The following NSMCE2 variants were observed in gnomAD, a reference collection of about 807,000 sequenced individuals.
NSMCE2 encodes the protein E3 SUMO-protein ligase NSE2.
Under a neutral mutation model 23.8 loss-of-function variants are expected in NSMCE2, and 24 were observed. The ratio of observed to expected loss-of-function variants is 1.01; its 90% CI spans 0.73 to 1.42. The LOEUF (loss-of-function observed/expected upper bound fraction) is 1.42. Among genes scored for constraint, NSMCE2 ranks in the 40% most tolerant of loss-of-function variants. The pLI is 0.00. For synonymous variants in NSMCE2, 92 were observed against 94.1 expected (o/e 0.98, Z 0.13); for missense variants, 284 against 296.5 (o/e 0.96, Z 0.31).
intron 3 of NSMCE2, among the ~76,000 whole-genome samples, chr8:125,143,079 AC>A (rs1237729875): frequency 6.7e-6 from 1 of 150,350 alleles, no homozygotes; most frequent in East Asian, 1.9e-4. Context: ...CTCCCAGGAC[AC>A]CCCCAGTGTG....
At position 125,106,047 on chromosome 8, in the gene NSMCE2, TACAC is replaced by T. The variant is rs138450338; in HGVS notation, c.157+3582_157+3585del. Among the ~76,000 whole-genome samples the T allele has an allele frequency of 5.3e-3, 785 of 148,334 alleles. 2 individuals carry two copies. Among genetic ancestry groups the T allele is most frequent in the South Asian group, 0.014 (63 of 4,660 alleles). ...ATGAATACATGCGTGTGTGTGTGCA[TACAC>T]ACACACACACACACACACACATTTT... On this transcript the variant is annotated intron_variant, in intron 3 of 7. Transcript: ENST00000287437.
chr8:125,343,056 C>CT (rs1353691538), intron 5 of NSMCE2, among the ~76,000 whole-genome samples: 1 of 152,160 alleles, frequency 6.6e-6, no homozygotes, highest in African/African-American at 2.4e-5. Context: ...TTGATACTCT[C>CT]TATCAAATGC....
intron 5 of NSMCE2, among the ~76,000 whole-genome samples, chr8:125,237,611 G>T (rs75123658): frequency 1.3e-5 from 2 of 152,312 alleles, no homozygotes; most frequent in African/African-American, 4.8e-5. Flanking sequence ...GAGTAATTCA[G>T]TTATGCCCTA....
chr8:125,112,872 TAA>T (rs1178961028), intron 3 of NSMCE2, among the ~76,000 whole-genome samples: 2 of 152,172 alleles, frequency 1.3e-5, no homozygotes, highest in Non-Finnish European at 2.9e-5. Context: ...TGAAAATTGC[TAA>T]GAGAGTAGAT....
chr8:125,275,017 A>G (rs1827391780), intron 5 of NSMCE2, among the ~76,000 whole-genome samples: 1 of 146,396 alleles, frequency 6.8e-6, no homozygotes, highest in East Asian at 2.0e-4. Context: ...TAATAATAAT[A>G]ATAATAATAA....
chr8:125,358,906 T>C (rs1458981450), intron 7 of NSMCE2, among the ~76,000 whole-genome samples: 1 of 152,200 alleles, frequency 6.6e-6, no homozygotes, highest in Non-Finnish European at 1.5e-5. Flanking sequence ...TGCTGCCTAA[T>C]GGTTGCAAAA....
intron 3 of NSMCE2, among the ~76,000 whole-genome samples, chr8:125,106,118 A>C (rs1466790010): frequency 6.6e-6 from 1 of 152,108 alleles, no homozygotes; most frequent in Non-Finnish European, 1.5e-5. Context: ...GTCAACATAA[A>C]CTAACCAAGT....
At chr8:125,276,326 T>C (rs1386581828) in intron 5 of NSMCE2, among the ~76,000 whole-genome samples, 4 of 152,228 alleles carry the variant, frequency 2.6e-5, no homozygotes, top group African/African-American at 9.7e-5. Flanking sequence ...TTGCTGTTGC[T>C]GTGTAGTTTT....
At chr8:125,218,863 G>A (rs1253526860) in intron 5 of NSMCE2, among the ~76,000 whole-genome samples, 3 of 152,176 alleles carry the variant, frequency 2.0e-5, no homozygotes, top group South Asian at 4.2e-4. Context: ...TTTATGTTAC[G>A]TGTTTTAAAC....
At chr8:125,109,766 TC>T (rs1563655088) in intron 3 of NSMCE2, among the ~76,000 whole-genome samples, 3 of 152,182 alleles carry the variant, frequency 2.0e-5, no homozygotes. Context: ...TTTGAAATGA[TC>T]ACCTTTGCCT....
rs531819612 is a variant in NSMCE2 at position 125,121,597 on chromosome 8, T to C, written c.157+19110T>C. Among the ~76,000 whole-genome samples, 5 of 152,188 alleles carry C rather than the reference T, an allele frequency of 3.3e-5. No homozygotes were observed. The South Asian group carries it at 1.0e-3, about 32-fold the overall frequency. ...TGAATCTGTATGTCTCAATCAAGAA[T>C]CTGTGAATGTATTTTTACATTTTAT... is the stretch of plus-strand genomic sequence containing the variant. On this transcript the variant is annotated intron_variant, in intron 3 of 7. Transcript: ENST00000287437.
intron 7 of NSMCE2, among the ~76,000 whole-genome samples, chr8:125,362,413 G>A (rs903512607): frequency 4.6e-5 from 7 of 152,140 alleles, no homozygotes; most frequent in South Asian, 2.1e-4. Context: ...ACAAAATGTC[G>A]TTAGCACCCC....
chr8:125,187,642 C>G (rs535152980), intron 5 of NSMCE2, among the ~76,000 whole-genome samples: 24 of 152,258 alleles, frequency 1.6e-4, no homozygotes, highest in African/African-American at 5.3e-4. Context: ...ACGTGACTAT[C>G]AGGCCCTGTA....
Position 125,166,209 on chromosome 8 carries a change from A to T in NSMCE2, c.264+14932A>T, listed in dbSNP as rs145946283. 3.9e-3 allele frequency among the ~76,000 whole-genome samples: 596 copies of T among 152,288 alleles called. 3 individuals carry two copies. The highest frequency in any genetic ancestry group is 6.4e-3 in the Non-Finnish European group (435 of 68,022). ...GATTTGAAAAAATGTTACGATCTCA[A>T]AATAGATGTTTTTGCTTATCTTTTC... On this transcript the variant is annotated intron_variant, in intron 4 of 7. Transcript: ENST00000287437.
At chr8:125,121,134 A>T (rs1443193385) in intron 3 of NSMCE2, among the ~76,000 whole-genome samples, 1 of 152,206 alleles carries the variant, frequency 6.6e-6, no homozygotes, top group Non-Finnish European at 1.5e-5. Flanking sequence ...TGAATAAGTG[A>T]GGAGAAAGAA....
chr8:125,176,790 A>G (rs777857415), intron 4 of NSMCE2, among the ~76,000 whole-genome samples: 5 of 152,240 alleles, frequency 3.3e-5, no homozygotes, highest in Non-Finnish European at 7.3e-5. Context: ...GTCCTGGAAA[A>G]GCCTGGGCTT....
intron 5 of NSMCE2, among the ~76,000 whole-genome samples, chr8:125,227,652 G>A (rs1454833108): frequency 6.6e-6 from 1 of 152,120 alleles, no homozygotes; most frequent in Admixed American, 6.6e-5. Flanking sequence ...ATCTGATTAA[G>A]CTCTAATTAG....
rs112489616 is a variant in NSMCE2 at position 125,148,260 on chromosome 8, C to G, written c.158-2911C>G. Among the ~76,000 whole-genome samples the G allele has an allele frequency of 2.1e-3, 320 of 152,268 alleles. 2 individuals are homozygous for G. The highest frequency in any genetic ancestry group is 7.5e-3 in the African/African-American group (312 of 41,544). ...TAAGCTTCATGCCATCAAAACTGAC[C>G]CAAGCCTTGCCCATTTCCTCCTTTG... On this transcript the variant is annotated intron_variant, in intron 3 of 7. Coordinates refer to ENST00000287437, the MANE Select transcript of NSMCE2 (RefSeq NM_173685.4).
intron 5 of NSMCE2, among the ~76,000 whole-genome samples, chr8:125,343,271 T>C (rs117398403): frequency 0.032 from 4,812 of 152,290 alleles, 161 homozygotes; most frequent in South Asian, 0.17. Context: ...TACTTCCTCC[T>C]TCACTGCACT....
Sources: allele counts gnomAD v4.1 joint callset (sites outside exome capture counted in the v4.1 genomes callset), GRCh38; gene constraint gnomAD v4.1.1; transcripts MANE v1.5; gene names NCBI Gene and HGNC (gene_info 2026-07-23, HGNC 2026-07-21).